The following AKAP7 variants were observed in gnomAD, a reference collection of about 807,000 sequenced individuals.
AKAP7 encodes the protein A-kinase anchoring protein 7, also known as A kinase (PRKA) anchor protein 7.
A neutral mutation model predicts 39.5 loss-of-function variants in AKAP7; 39 were observed. The observed-to-expected ratio is 0.99, with a 90% CI of 0.76 to 1.29. AKAP7 has a LOEUF of 1.29. AKAP7 is among the 50% of genes most tolerant of loss of function. The pLI is 0.00. For missense variants in AKAP7, 414 were observed against 407.7 expected, an observed-to-expected ratio of 1.02 and a Z score of -0.13; for synonymous variants, 140 against 139.1, an observed-to-expected ratio of 1.01 and a Z score of -0.05.
At chr6:131,279,048 A>G (rs10484765) in intron 7 of AKAP7, among the ~76,000 whole-genome samples, 75,799 of 151,972 alleles carry the variant, frequency 0.5, 19,232 homozygotes, top group African/African-American at 0.55. Flanking sequence ...TCTGTAGAGT[A>G]AATAGTGACA....
At chr6:131,182,636 A>G (rs1010170404) in intron 5 of AKAP7, among the ~76,000 whole-genome samples, 5 of 152,178 alleles carry the variant, frequency 3.3e-5, no homozygotes, top group African/African-American at 1.2e-4. Context: ...CAAGACCTTG[A>G]GTTCAGATCT....
At chr6:131,201,344 A>G (rs1422828981) in intron 6 of AKAP7, among the ~76,000 whole-genome samples, 1 of 152,236 alleles carries the variant, frequency 6.6e-6, no homozygotes, top group Non-Finnish European at 1.5e-5. Context: ...GTGGTGATCA[A>G]AATAGAAACA....
intron 5 of AKAP7, among the ~76,000 whole-genome samples, chr6:131,195,787 G>A (rs1388905417): frequency 1.3e-5 from 2 of 152,096 alleles, no homozygotes; most frequent in Non-Finnish European, 2.9e-5. Context: ...GGCCTATAAA[G>A]TTTCCTCTGA....
chr6:131,238,194 G>A (rs1370448571), intron 7 of AKAP7, among the ~76,000 whole-genome samples: 1 of 152,138 alleles, frequency 6.6e-6, no homozygotes, highest in African/African-American at 2.4e-5. Context: ...AGGTTGTTCA[G>A]TTTCCATGTG....
chr6:131,250,053 G>C (rs1812313899), intron 7 of AKAP7: 1 of 527,914 alleles, frequency 1.9e-6, no homozygotes, highest in African/African-American at 2.1e-5. Context: ...GCTATGTTGG[G>C]TTTTCTATTC....
At chr6:131,234,745 C>T in intron 7 of AKAP7, among the ~76,000 whole-genome samples, 1 of 142,214 alleles carries the variant, frequency 7.0e-6, no homozygotes, top group African/African-American at 2.6e-5. Context: ...ACAATTCAGT[C>T]TTTTTTTTTT....
At chr6:131,147,201 T>C (rs1166320757) in intron 2 of AKAP7, among the ~76,000 whole-genome samples, 1 of 152,228 alleles carries the variant, frequency 6.6e-6, no homozygotes, top group Non-Finnish European at 1.5e-5. Flanking sequence ...AACCTTTGCA[T>C]CCTGCCAGGG....
chr6:131,236,780 G>T (rs1010700782), intron 7 of AKAP7, among the ~76,000 whole-genome samples: 9 of 152,130 alleles, frequency 5.9e-5, no homozygotes, highest in Non-Finnish European at 1.3e-4. Flanking sequence ...TGCTGAAGTT[G>T]CCTATCAGCT....
rs532762553 is a variant in AKAP7, at chr6:131,218,578, A to G, written c.703-1083A>G. Among the ~76,000 whole-genome samples, 84 of 152,274 alleles carry G rather than the reference A, an allele frequency of 5.5e-4. 1 individual carries two copies. In the South Asian group the frequency reaches 0.011, roughly 19 times the overall value. ...TTTTGTCATTGAAAAGAGAAAATAT[A>G]TATTCTAGTTACTTTAATCTTATGG... On this transcript the variant is annotated intron_variant, in intron 6 of 7. Coordinates refer to ENST00000431975, the MANE Select transcript of AKAP7 (RefSeq NM_016377.4).
At chr6:131,188,128 A>G (rs541076627) in intron 5 of AKAP7, among the ~76,000 whole-genome samples, 127 of 152,340 alleles carry the variant, frequency 8.3e-4, no homozygotes, top group African/African-American at 3.0e-3. Flanking sequence ...TAAAAATTCT[A>G]CTTGTCAGTT....
At chr6:131,177,483 C>G (rs895024228) in intron 5 of AKAP7, among the ~76,000 whole-genome samples, 1 of 152,164 alleles carries the variant, frequency 6.6e-6, no homozygotes, top group Non-Finnish European at 1.5e-5. Context: ...TCTTTAGTAA[C>G]TAATCCAGTC....
intron 5 of AKAP7, among the ~76,000 whole-genome samples, chr6:131,187,476 T>C (rs1355433448): frequency 2.0e-5 from 3 of 152,164 alleles, no homozygotes; most frequent in East Asian, 1.9e-4. Context: ...TAGAGACTTA[T>C]TTCAAGTGTC....
chr6:131,281,724 T>G lies in AKAP7; in HGVS notation c.1045T>G (p.Ter349GlyextTer19), dbSNP rs1422462670. 1.3e-6 allele frequency: 2 copies of G among 1,598,416 alleles called. No homozygotes were observed. The highest frequency in any genetic ancestry group is 1.7e-6 in the Non-Finnish European group (2 of 1,172,070). The change falls in exon 8 of 8, where the codon TGA becomes GGA. Residue 349 changes from the stop codon to glycine, a stop_lost. Coordinates refer to ENST00000431975, the MANE Select transcript of AKAP7 (RefSeq NM_016377.4). The surrounding 1 kb of genome is among the most constrained non-coding windows in gnomAD (Gnocchi z 4.0). The part of the protein sequence containing the change: ...NGNDNENNRK[*>G] Reference sequence around the variant, plus strand: ...CAATGACAATGAGAACAACAGGAAATGAGCCCGGAACGCAGGCCCCCATGT... The same window carrying G: ...CAATGACAATGAGAACAACAGGAAAGGAGCCCGGAACGCAGGCCCCCATGT...
chr6:131,207,240 A>G (rs1808192660), intron 6 of AKAP7, among the ~76,000 whole-genome samples: 1 of 152,114 alleles, frequency 6.6e-6, no homozygotes, highest in African/African-American at 2.4e-5. Flanking sequence ...GATAGGGGCA[A>G]TTTAGATCTG....
At chr6:131,261,135 G>T (rs998345776) in intron 7 of AKAP7, among the ~76,000 whole-genome samples, 1 of 151,410 alleles carries the variant, frequency 6.6e-6, no homozygotes, top group South Asian at 2.1e-4. Flanking sequence ...GGTGGAGGTT[G>T]CAGTGAGCTG....
rs370266418 is a variant in AKAP7 at position 131,261,209 on chromosome 6, C to CAA, written c.851-20306_851-20305dup. Among the ~76,000 whole-genome samples, 346 of 108,564 alleles carry CAA rather than the reference C, an allele frequency of 3.2e-3. 1 individual carries two copies. Among genetic ancestry groups the CAA allele is most frequent in the African/African-American group, 8.7e-3 (266 of 30,646 alleles). The allele number at this position is 108,564 out of a possible 152,430, so 71.2% of individuals were successfully genotyped here. A position where few individuals can be genotyped will look rare whatever the true frequency, so the allele number is the denominator to read the frequency against. On this transcript the variant is annotated intron_variant, in intron 7 of 7. Transcript: ENST00000431975. The stretch of plus-strand genomic sequence containing the variant: ...GGCAACAAGAGCAAAACTCTGTCTC[C>CAA]AAAAAAAAAAAAAAAAGAATATTTT...
chr6:131,269,791 C>T lies in AKAP7; in HGVS notation c.851-11739C>T, dbSNP rs559055226. ...AGTCATATTTATGCTCAGAAACCACCCCAGTCTATTTCAGTGGAAATTATT... is the reference window on the plus strand; with the variant it reads ...AGTCATATTTATGCTCAGAAACCACTCCAGTCTATTTCAGTGGAAATTATT... On this transcript the variant is annotated intron_variant, in intron 7 of 7. Transcript: ENST00000431975. Among the ~76,000 whole-genome samples the T allele has an allele frequency of 8.5e-5, 13 of 152,102 alleles. No homozygotes were observed. In the South Asian group the frequency reaches 2.7e-3, roughly 32 times the overall value.
At chr6:131,266,581 A>C (rs918891285) in intron 7 of AKAP7, among the ~76,000 whole-genome samples, 1 of 152,182 alleles carries the variant, frequency 6.6e-6, no homozygotes, top group African/African-American at 2.4e-5. Context: ...GTAAATTGAT[A>C]ATTGTAGGCC....
chr6:131,235,485 C>A (rs1487735982), intron 7 of AKAP7, among the ~76,000 whole-genome samples: 2 of 152,194 alleles, frequency 1.3e-5, no homozygotes, highest in African/African-American at 4.8e-5. Context: ...AATGGCCACA[C>A]TGACTTCCAC....
Sources: allele counts gnomAD v4.1 joint callset (sites outside exome capture counted in the v4.1 genomes callset), GRCh38; gene constraint gnomAD v4.1.1; non-coding constraint Gnocchi (gnomAD v3.1); transcripts MANE v1.5; gene names NCBI Gene and HGNC (gene_info 2026-07-23, HGNC 2026-07-21).